MRPL45: variants seen among roughly 807,000 people sequenced by gnomAD.
MRPL45 encodes mitochondrial ribosomal protein L45.
In MRPL45, 20 loss-of-function variants were observed where a neutral mutation model predicts 38.1. The ratio of observed to expected loss-of-function variants is 0.53; its 90% CI spans 0.37 to 0.76. The LOEUF (loss-of-function observed/expected upper bound fraction) is 0.76, where lower values mean the gene tolerates loss of function less well. Among genes scored for constraint, MRPL45 ranks in the 30% least tolerant of loss-of-function variants. MRPL45 has a pLI of 0.00. For missense variants in MRPL45, 337 were observed against 395.6 expected (o/e 0.85, Z 1.26); for synonymous variants, 105 against 128.8 (o/e 0.82, Z 1.25).
chr17:38,314,758 C>T (rs911868862), intron 4 of MRPL45, among the ~76,000 whole-genome samples: 1 of 152,192 alleles, frequency 6.6e-6, no homozygotes, highest in African/African-American at 2.4e-5. Context: ...TCTCAAACTC[C>T]TGACCTCAGA....
chr17:38,321,279 C>T (rs2037227032), intron 6 of MRPL45, among the ~76,000 whole-genome samples: 1 of 152,208 alleles, frequency 6.6e-6, no homozygotes, highest in Non-Finnish European at 1.5e-5. Context: ...CCCACTCCTT[C>T]TTGGTCTTGA....
intron 3 of MRPL45, among the ~76,000 whole-genome samples, chr17:38,305,245 G>C (rs1387939319): frequency 8.0e-6 from 1 of 124,538 alleles, no homozygotes; most frequent in African/African-American, 2.6e-5. Flanking sequence ...GAGGCAGGCA[G>C]ATCACAAGGA....
At chr17:38,297,945 A>G (rs1567711460) in intron 1 of MRPL45, among the ~76,000 whole-genome samples, 2 of 152,168 alleles carry the variant, frequency 1.3e-5, no homozygotes, top group African/African-American at 4.8e-5. Flanking sequence ...AAAAAATTTT[A>G]AAATTAGCCA....
intron 3 of MRPL45, among the ~76,000 whole-genome samples, chr17:38,302,247 A>G (rs1332402283): frequency 6.6e-6 from 1 of 151,788 alleles, no homozygotes; most frequent in Non-Finnish European, 1.5e-5. Context: ...CACTTTGGGA[A>G]GCCAAGGCTG....
Position 38,322,672 on chromosome 17 carries a change from C to A in MRPL45, c.*77C>A. 8.8e-7 allele frequency: 1 copy of A among 1,133,042 alleles called. No individual in the cohort carries two copies. Among genetic ancestry groups the A allele is most frequent in the Non-Finnish European group, 1.3e-6 (1 of 775,914 alleles). 70.2% of individuals were successfully genotyped at this position (1,133,042 alleles called of 1,614,324 possible). A position where few individuals can be genotyped will look rare whatever the true frequency, so the allele number is the denominator to read the frequency against. ...TTTGAAGTCTCCCATTCCCCTCATG[C>A]TATAAAAAGAACTACCTTTGTTCTC... On this transcript the variant is annotated 3_prime_UTR_variant, in exon 8 of 8. Coordinates refer to ENST00000613675, the MANE Select transcript of MRPL45 (RefSeq NM_032351.6).
At chr17:38,320,587 T>C (rs1286065416) in intron 5 of MRPL45, 31 bp from the exon 6 acceptor site, 2 of 1,607,102 alleles carry the variant, frequency 1.2e-6, no homozygotes, top group Non-Finnish European at 1.7e-6. Context: ...GAGGGAAAAA[T>C]GCAGTTGAAC....
intron 3 of MRPL45, among the ~76,000 whole-genome samples, chr17:38,301,239 T>C (rs1242123678): frequency 1.3e-5 from 2 of 151,762 alleles, no homozygotes; most frequent in African/African-American, 2.4e-5. Flanking sequence ...CCCCTCCTAC[T>C]TTTTTTTTCT....
Position 38,303,300 on chromosome 17 carries a change from T to G in MRPL45, c.363-3233T>G, listed in dbSNP as rs187294548. Among the ~76,000 whole-genome samples the G allele has an allele frequency of 4.9e-3, 707 of 145,580 alleles. 4 individuals are homozygous for G. Among genetic ancestry groups the G allele is most frequent in the Middle Eastern group, 0.014 (4 of 288 alleles). ...CATTCAAAACATTAAATTTTTTTTT[T>G]TTTTTTTTTTTTTTTGAGAGGGAGT... On this transcript the variant is annotated intron_variant, in intron 3 of 7. Coordinates refer to ENST00000613675, the MANE Select transcript of MRPL45 (RefSeq NM_032351.6).
chr17:38,304,956 T>C, intron 3 of MRPL45, among the ~76,000 whole-genome samples: 1 of 150,244 alleles, frequency 6.7e-6, no homozygotes, highest in Non-Finnish European at 1.5e-5. Flanking sequence ...AAGTGATTCT[T>C]CTGCCTCAGT....
At chr17:38,319,440 A>G (rs929874819) in intron 5 of MRPL45, among the ~76,000 whole-genome samples, 2 of 152,046 alleles carry the variant, frequency 1.3e-5, no homozygotes, top group Non-Finnish European at 2.9e-5. Context: ...AAGTGCTGGG[A>G]TTACAGGCAT....
At chr17:38,298,691 A>C in intron 2 of MRPL45, 65 bp downstream of exon 2, 9 of 1,472,042 alleles carry the variant, frequency 6.1e-6, no homozygotes, top group Non-Finnish European at 7.5e-6. Flanking sequence ...ACTTGGGATG[A>C]CTTGGACTAT....
chr17:38,320,663 G>A lies in MRPL45; in HGVS notation c.556G>A (p.Val186Met). The change falls in exon 6 of 8, where the codon GTG (valine) becomes ATG (methionine). Residue 186 changes from valine to methionine, a missense_variant. This residue lies in a region of MRPL45 where 251 missense variants were observed against 269.1 expected (regional missense o/e 0.93). Coordinates refer to ENST00000613675, the MANE Select transcript of MRPL45 (RefSeq NM_032351.6). ...ATATAAGACCGTCCGCTGGAGCTTT[G>A]TGGAATCTTTAGAGCCCTCTCATGT... is the stretch of plus-strand genomic sequence containing the variant. ...IKYKTVRWSFVESLEPSHVVQ... is the reference protein window; with the variant it reads ...IKYKTVRWSFMESLEPSHVVQ... The A allele has an allele frequency of 1.2e-6, 2 of 1,614,168 alleles. No homozygotes were observed. The highest frequency in any genetic ancestry group is 1.7e-6 in the Non-Finnish European group (2 of 1,180,026).
chr17:38,321,935 G>A (rs1225644808), intron 6 of MRPL45, among the ~76,000 whole-genome samples, 191 bp from the exon 7 acceptor site: 3 of 151,674 alleles, frequency 2.0e-5, no homozygotes, highest in African/African-American at 7.3e-5. Context: ...GGGAGGCTGA[G>A]GCAGGAGAAT....
intron 3 of MRPL45, among the ~76,000 whole-genome samples, chr17:38,304,974 G>A (rs2037036874): frequency 6.6e-6 from 1 of 151,690 alleles, no homozygotes; most frequent in Non-Finnish European, 1.5e-5. Flanking sequence ...AGTCTCCCGA[G>A]TAGCTGGAAC....
chr17:38,316,468 T>C (rs1441459763), intron 4 of MRPL45, among the ~76,000 whole-genome samples: 2 of 152,088 alleles, frequency 1.3e-5, no homozygotes, highest in Non-Finnish European at 2.9e-5. Flanking sequence ...GATTTGTGTC[T>C]TTACTAATAA....
chr17:38,319,184 C>T (rs145628690), intron 5 of MRPL45, among the ~76,000 whole-genome samples: 1,586 of 151,954 alleles, frequency 0.01, 22 homozygotes, highest in African/African-American at 0.037. Flanking sequence ...TACAGGCACC[C>T]GCCAGCACAC....
intron 4 of MRPL45, among the ~76,000 whole-genome samples, chr17:38,316,694 G>T (rs2037175797): frequency 8.8e-6 from 1 of 113,218 alleles, no homozygotes; most frequent in African/African-American, 3.2e-5. Flanking sequence ...TGTAGTCCCA[G>T]AATCTCACTC....
intron 4 of MRPL45, among the ~76,000 whole-genome samples, chr17:38,311,174 C>T (rs1182233185): frequency 6.6e-6 from 1 of 152,138 alleles, no homozygotes; most frequent in Non-Finnish European, 1.5e-5. Context: ...AGTAATTCCC[C>T]ATTGCCCTCT....
In MRPL45 at chr17:38,322,499, A is replaced by G; in HGVS notation, c.835-10A>G. ...TGGTTGGTGGGTAACCTGGCGTCCT[A>G]CTCTTTCAGACGGTGATGATCCCTG... On this transcript the variant is annotated splice_polypyrimidine_tract_variant and intron_variant, in intron 7 of 7. Transcript: ENST00000613675. The G allele has an allele frequency of 1.2e-6, 2 of 1,612,330 alleles. No individual in the cohort carries two copies. The highest frequency in any genetic ancestry group is 8.5e-7 in the Non-Finnish European group (1 of 1,179,424).
Sources: allele counts gnomAD v4.1 joint callset (sites outside exome capture counted in the v4.1 genomes callset), GRCh38; gene constraint gnomAD v4.1.1; regional missense constraint gnomAD v4.1.1; transcripts MANE v1.5; gene names NCBI Gene and HGNC (gene_info 2026-07-23, HGNC 2026-07-21).